The following UGT2B7 variants were observed in gnomAD, a reference collection of about 807,000 sequenced individuals.
The protein encoded by UGT2B7 is UDP-glucuronosyltransferase 2B7.
Under a neutral mutation model 51.9 loss-of-function variants are expected in UGT2B7, and 51 were observed. That is an observed-to-expected ratio of 0.98 (90% CI 0.78 to 1.24). The LOEUF is 1.24. Ranked by LOEUF, UGT2B7 falls within the 50% of genes most tolerant of loss-of-function variation. UGT2B7 has a pLI of 0.00. For synonymous variants in UGT2B7, 225 were observed against 211.6 expected (o/e 1.06, Z -0.55); for missense variants, 727 against 628.4 (o/e 1.16, Z -1.68).
upstream of UGT2B7, chr4:69,096,357 C>A (rs866111100): frequency 9.7e-5 from 106 of 1,092,818 alleles, 1 homozygote; most frequent in Middle Eastern, 2.1e-4. Flanking sequence ...CTTCATTTGT[C>A]TCTTTGCCAT....
intron 5 of UGT2B7, among the ~76,000 whole-genome samples, chr4:69,111,233 T>TA (rs1719762107): frequency 6.6e-6 from 1 of 152,176 alleles, no homozygotes; most frequent in East Asian, 1.9e-4. Context: ...TGCCCGTGTC[T>TA]AAAAATGTAG....
intron 1 of UGT2B7, among the ~76,000 whole-genome samples, chr4:69,070,343 G>T (rs1367298874): frequency 6.8e-6 from 1 of 147,504 alleles, no homozygotes; most frequent in African/African-American, 2.5e-5. Flanking sequence ...AAGTTCGGAA[G>T]CACATGTGCA....
At chr4:69,066,528 A>T (rs1718487347) in intron 1 of UGT2B7, 1 of 152,174 alleles carries the variant, frequency 6.6e-6, no homozygotes, top group Non-Finnish European at 1.5e-5. Context: ...ACAGCATATG[A>T]GGATGAAAAT....
At chr4:69,079,951 A>AT (rs965669861) in intron 1 of UGT2B7, among the ~76,000 whole-genome samples, 1 of 152,066 alleles carries the variant, frequency 6.6e-6, no homozygotes, top group Admixed American at 6.6e-5. Context: ...ATTGTCAAAT[A>AT]TTTTTAAATA....
chr4:69,072,004 A>G (rs1718612314), intron 1 of UGT2B7, among the ~76,000 whole-genome samples: 1 of 152,090 alleles, frequency 6.6e-6, no homozygotes, highest in Non-Finnish European at 1.5e-5. Context: ...CATAGACCAT[A>G]TAGCTAGATA....
intron 3 of UGT2B7, 35 bp from the exon 4 acceptor site, chr4:69,107,140 A>C: frequency 1.3e-5 from 21 of 1,591,914 alleles, no homozygotes; most frequent in Non-Finnish European, 1.6e-5. Context: ...TTTGAATTCC[A>C]CTCATGGAAT....
chr4:69,112,464 G>A lies in UGT2B7; in HGVS notation c.1318G>A (p.Glu440Lys), dbSNP rs750593732. Residue 440 changes from glutamate to lysine, a missense_variant, in exon 6 of 6, where the codon GAG becomes AAG. Glu to Lys is a moderately conservative substitution (Grantham distance 56). Transcript: ENST00000305231. The stretch of plus-strand genomic sequence containing the variant: ...TTTATTTTTATCTTTCAGATATAAA[G>A]AGAATGTTATGAAATTATCAAGAAT... Reference protein sequence around the residue: ...KRVINDPSYKENVMKLSRIQH... With the variant: ...KRVINDPSYKKNVMKLSRIQH... 5 of 1,613,252 alleles carry A rather than the reference G, an allele frequency of 3.1e-6. No individual in the cohort carries two copies. Among genetic ancestry groups the A allele is most frequent in the Non-Finnish European group, 4.2e-6 (5 of 1,179,710 alleles).
At chr4:69,079,146 T>C (rs1234085825) in intron 1 of UGT2B7, among the ~76,000 whole-genome samples, 1 of 152,138 alleles carries the variant, frequency 6.6e-6, no homozygotes, top group Non-Finnish European at 1.5e-5. Flanking sequence ...GCGTTGCCCA[T>C]CTGGCTAACA....
chr4:69,097,326 G>A, intron 1 of UGT2B7, 85 bp downstream of exon 1: 3 of 1,467,462 alleles, frequency 2.0e-6, no homozygotes, highest in South Asian at 1.4e-5. Flanking sequence ...ATAAAGTCAG[G>A]GTAGTGGGGT....
chr4:69,089,168 G>A (rs1719029732), intron 1 of UGT2B7, among the ~76,000 whole-genome samples: 1 of 151,996 alleles, frequency 6.6e-6, no homozygotes, highest in Non-Finnish European at 1.5e-5. Flanking sequence ...ATACTTTTAT[G>A]AGTTTGCAAA....
upstream of UGT2B7, among the ~76,000 whole-genome samples, chr4:69,092,957 C>T (rs1364038418): frequency 1.3e-4 from 13 of 99,298 alleles, no homozygotes; most frequent in Admixed American, 4.7e-4. Context: ...AATACCCCCA[C>T]CCCAGAAAAA....
chr4:69,090,513 T>C (rs1343538329), intron 2 of UGT2B7, among the ~76,000 whole-genome samples: 4 of 151,842 alleles, frequency 2.6e-5, no homozygotes, highest in South Asian at 2.1e-4. Context: ...AAAGGAGACA[T>C]GAAAAAAAGC....
chr4:69,091,715 T>C (rs918129556), upstream of UGT2B7, among the ~76,000 whole-genome samples: 4 of 152,174 alleles, frequency 2.6e-5, no homozygotes, highest in African/African-American at 7.2e-5. Context: ...GTGCATTCTG[T>C]GGGAAAGTCC....
rs1250416824 is a variant in UGT2B7, at chr4:69,109,708, C to CA, written c.1310+1392dup. ...CTTTTTGATGTTGGTCTTTGAAGCA[C>CA]AAAAAATATAATTTTAAGTTAAATT... On this transcript the variant is annotated intron_variant, in intron 5 of 5. Coordinates refer to ENST00000305231, the MANE Select transcript of UGT2B7 (RefSeq NM_001074.4). Among the ~76,000 whole-genome samples the CA allele has an allele frequency of 4.7e-5, 7 of 150,276 alleles. No homozygotes were observed. The East Asian group carries it at 1.4e-3, about 29-fold the overall frequency.
At chr4:69,079,557 C>T (rs572109442) in intron 1 of UGT2B7, among the ~76,000 whole-genome samples, 2 of 152,236 alleles carry the variant, frequency 1.3e-5, no homozygotes, top group South Asian at 2.1e-4. Flanking sequence ...TCTTGATTTA[C>T]TAAGTTTACT....
At position 69,097,145 on chromosome 4, in the gene UGT2B7, G is replaced by A; in HGVS notation, c.625G>A (p.Glu209Lys). 6.2e-7 allele frequency: 1 copy of A among 1,613,514 alleles called. No homozygotes were observed. The highest frequency in any genetic ancestry group is 1.7e-5 in the Admixed American group (1 of 59,924). ...SELTDQMTFM[E>K]RVKNMIYVLY... ...ATTAACTGATCAAATGACTTTCATG[G>A]AGAGGGTAAAAAATATGATCTATGT... Residue 209 changes from glutamate (E) to lysine (K), a missense_variant, in exon 1 of 6, where the codon GAG becomes AAG. Physicochemically the swap from Glu to Lys is moderately conservative, Grantham distance 56. Transcript: ENST00000305231.
At chr4:69,078,155 A>T (rs1277963488) in intron 1 of UGT2B7, among the ~76,000 whole-genome samples, 1 of 151,972 alleles carries the variant, frequency 6.6e-6, no homozygotes, top group Non-Finnish European at 1.5e-5. Context: ...AGCTGACTTG[A>T]TCATGGTGGA....
At chr4:69,064,447 T>C (rs1243500259) in intron 1 of UGT2B7, among the ~76,000 whole-genome samples, 2 of 152,228 alleles carry the variant, frequency 1.3e-5, no homozygotes, top group Non-Finnish European at 2.9e-5. Context: ...AGGCCTGAAC[T>C]ACAGCTGTCT....
intron 1 of UGT2B7, among the ~76,000 whole-genome samples, chr4:69,078,417 C>A (rs1038359637): frequency 6.6e-6 from 1 of 152,096 alleles, no homozygotes; most frequent in African/African-American, 2.4e-5. Flanking sequence ...GCTGTGAATC[C>A]ATCTGGTCCT....
Sources: gnomAD v4.1 joint callset for allele counts (sites outside exome capture counted in the v4.1 genomes callset) on GRCh38, gnomAD v4.1.1 for gene constraint, MANE v1.5 for transcripts, NCBI Gene and HGNC (gene_info 2026-07-23, HGNC 2026-07-21) for gene names.